The following PCDH15 variants were observed in gnomAD, a reference collection of about 807,000 sequenced individuals.
PCDH15 encodes protocadherin related 15, also known as protocadherin-15.
Under a neutral mutation model 178.5 loss-of-function variants are expected in PCDH15, and 129 were observed. That is an observed-to-expected ratio of 0.72 (90% CI 0.63 to 0.84). The LOEUF is 0.84. Among genes scored for constraint, PCDH15 ranks in the 40% least tolerant of loss-of-function variants. PCDH15 has a pLI of 0.00. For synonymous variants in PCDH15, 800 were observed against 732.0 expected (o/e 1.09, Z -1.50); for missense variants, 2,230 against 2,099.9 (o/e 1.06, Z -1.21).
At chr10:53,921,914 T>G (rs2084031892) in intron 25 of PCDH15, among the ~76,000 whole-genome samples, 1 of 152,212 alleles carries the variant, frequency 6.6e-6, no homozygotes, top group Non-Finnish European at 1.5e-5. Context: ...GAAAAGATAC[T>G]GGATTTTTTC....
chr10:54,266,670 C>A (rs1346651100), intron 8 of PCDH15, among the ~76,000 whole-genome samples: 2 of 151,822 alleles, frequency 1.3e-5, no homozygotes, highest in East Asian at 3.9e-4. Flanking sequence ...CTACTATGAA[C>A]ATTTCTATGT....
chr10:55,423,301 TC>T (rs1264217029), intron 2 of PCDH15, among the ~76,000 whole-genome samples: 2 of 151,930 alleles, frequency 1.3e-5, no homozygotes, highest in African/African-American at 4.8e-5. Context: ...GCAACAGAAT[TC>T]CTCGAAGTAG....
At chr10:54,358,651 C>G (rs1173207368) in intron 5 of PCDH15, among the ~76,000 whole-genome samples, 1 of 151,948 alleles carries the variant, frequency 6.6e-6, no homozygotes, top group East Asian at 1.9e-4. Flanking sequence ...CCCAGCCATC[C>G]CATTACTGGG....
chr10:55,022,279 C>G (rs1440138474), intron 2 of PCDH15, among the ~76,000 whole-genome samples: 5 of 151,820 alleles, frequency 3.3e-5, no homozygotes, highest in African/African-American at 2.4e-5. Context: ...ATGGTAAACC[C>G]TGTATCTACT....
rs200097115 is a variant in PCDH15, at chr10:55,548,210, G to GCACA, written c.-156+79411_-156+79414dup. Reference sequence around the variant, plus strand: ...GCCAAACCCTCTCTAAATGCCTAATGCACACACACACACACACACACACAC... The same window carrying GCACA: ...GCCAAACCCTCTCTAAATGCCTAATGCACACACACACACACACACACACACACAC... On this transcript the variant is annotated intron_variant, in intron 2 of 5. Transcript: ENST00000613346. Among the ~76,000 whole-genome samples the GCACA allele has an allele frequency of 3.2e-3, 386 of 121,274 alleles. 2 individuals are homozygous for GCACA. Among genetic ancestry groups the GCACA allele is most frequent in the African/African-American group, 5.6e-3 (200 of 35,844 alleles). The allele number at this position is 121,274 out of a possible 152,430, so 79.6% of individuals were successfully genotyped here.
At chr10:55,414,614 T>C (rs1838429001) in intron 2 of PCDH15, among the ~76,000 whole-genome samples, 1 of 151,678 alleles carries the variant, frequency 6.6e-6, no homozygotes, top group Admixed American at 6.6e-5. Context: ...TTAAATGTAT[T>C]AATAAATATT....
intron 3 of PCDH15, among the ~76,000 whole-genome samples, chr10:54,433,282 C>A (rs868161863): frequency 5.3e-5 from 8 of 152,108 alleles, no homozygotes; most frequent in Non-Finnish European, 1.0e-4. Flanking sequence ...GTTTGGCCAG[C>A]ACTGTTCACA....
Position 54,842,183 on chromosome 10 carries a change from CGTGT to C in PCDH15, c.-29+55263_-29+55266del, listed in dbSNP as rs35175067. On this transcript the variant is annotated intron_variant, in intron 3 of 5. Coordinates refer to the PCDH15 transcript ENST00000458638. Reference sequence around the variant, plus strand: ...GAAAGGAAAAGTGTGTGTATGTGTGCGTGTGTGTGTGTGTGTGTGTGAGACAGAG... The same window carrying C: ...GAAAGGAAAAGTGTGTGTATGTGTGCGTGTGTGTGTGTGTGTGAGACAGAG... 1.5e-3 allele frequency among the ~76,000 whole-genome samples: 224 copies of C among 149,632 alleles called. 1 individual carries two copies. In the Middle Eastern group the frequency reaches 0.021, roughly 14 times the overall value.
At chr10:53,866,997 C>T in intron 26 of PCDH15, 140 bp from the exon 27 acceptor site, 1 of 649,622 alleles carries the variant, frequency 1.5e-6, no homozygotes, top group South Asian at 1.8e-5. Context: ...TCTGTTTTTT[C>T]TGGATATAGT....
chr10:53,909,035 C>G (rs72794920), intron 25 of PCDH15, among the ~76,000 whole-genome samples: 8,284 of 152,236 alleles, frequency 0.054, 308 homozygotes, highest in Non-Finnish European at 0.086. Context: ...TGGTTTGGCT[C>G]TGTGTCCCCA....
chr10:53,841,815 A>G (rs1053171090), intron 28 of PCDH15, among the ~76,000 whole-genome samples: 1 of 152,118 alleles, frequency 6.6e-6, no homozygotes, highest in Non-Finnish European at 1.5e-5. Flanking sequence ...CACTTGGAAA[A>G]TATCAGTTAA....
intron 2 of PCDH15, among the ~76,000 whole-genome samples, chr10:55,475,618 A>G (rs1180165091): frequency 6.6e-6 from 1 of 152,172 alleles, no homozygotes; most frequent in Non-Finnish European, 1.5e-5. Context: ...ATTCTTTACA[A>G]TATTGTACAC....
chr10:54,704,051 T>C (rs1011968073), intron 1 of PCDH15, among the ~76,000 whole-genome samples: 2 of 152,084 alleles, frequency 1.3e-5, no homozygotes, highest in African/African-American at 4.8e-5. Context: ...TGGCTAGCCA[T>C]GTGCAGAAGA....
chr10:53,905,206 C>T (rs368170081), intron 25 of PCDH15: 5 of 518,806 alleles, frequency 9.6e-6, no homozygotes, highest in Non-Finnish European at 1.9e-5. Flanking sequence ...AGTGACTAAA[C>T]GTCATCTGCT....
At chr10:54,753,463 G>A (rs1591453686) in intron 1 of PCDH15, among the ~76,000 whole-genome samples, 1 of 152,252 alleles carries the variant, frequency 6.6e-6, no homozygotes. Context: ...GATTACAGGC[G>A]TGAGCCACCA....
chr10:54,216,044 G>GAAA (rs10648282), intron 9 of PCDH15, among the ~76,000 whole-genome samples: 1,985 of 70,246 alleles, frequency 0.028, 327 homozygotes, highest in Middle Eastern at 0.065. Flanking sequence ...CTCCGTCTCA[G>GAAA]AAAAAAAAAA....
At chr10:55,526,699 A>C (rs1184866996) in intron 2 of PCDH15, among the ~76,000 whole-genome samples, 1 of 152,056 alleles carries the variant, frequency 6.6e-6, no homozygotes, top group Non-Finnish European at 1.5e-5. Flanking sequence ...CAGGTTTATA[A>C]TTTATGCTTG....
intron 25 of PCDH15, among the ~76,000 whole-genome samples, chr10:53,924,291 G>A (rs914056563): frequency 2.2e-4 from 34 of 152,316 alleles, no homozygotes; most frequent in Middle Eastern, 3.4e-3. Flanking sequence ...GGCTGGCACC[G>A]TGGGCCCCAG....
chr10:55,403,186 T>A (rs997810009), intron 2 of PCDH15, among the ~76,000 whole-genome samples: 7 of 151,936 alleles, frequency 4.6e-5, no homozygotes, highest in African/African-American at 1.7e-4. Flanking sequence ...TAGTTTTTTA[T>A]GGGAATATTT....
Sources: allele counts gnomAD v4.1 joint callset (sites outside exome capture counted in the v4.1 genomes callset), GRCh38; gene constraint gnomAD v4.1.1; transcripts MANE v1.5; gene names NCBI Gene and HGNC (gene_info 2026-07-23, HGNC 2026-07-21).